Variants in MUC15 observed in about 807,000 individuals in gnomAD.
MUC15 encodes mucin 15, cell surface associated.
In MUC15, 23 loss-of-function variants were observed where a neutral mutation model predicts 24.0. The observed-to-expected ratio is 0.96, with a 90% CI of 0.69 to 1.36. The LOEUF is 1.36. Among genes scored for constraint, MUC15 ranks in the 40% most tolerant of loss-of-function variants. MUC15 has a pLI of 0.00. For synonymous variants in MUC15, 151 were observed against 156.3 expected, an observed-to-expected ratio of 0.97 and a Z score of 0.25; for missense variants, 442 against 428.2, an observed-to-expected ratio of 1.03 and a Z score of -0.29.
chr11:26,560,932 G>T lies in MUC15; in HGVS notation c.*133C>A. On this transcript the variant is annotated 3_prime_UTR_variant, in exon 5 of 5. Coordinates refer to ENST00000529533, the MANE Select transcript of MUC15 (RefSeq NM_001135091.2). ...CATCCTGTCTACATTTCTGCTACTGGTCTCCTGCTTTTATGATTCTCCTTG... is the reference window on the plus strand; with the variant it reads ...CATCCTGTCTACATTTCTGCTACTGTTCTCCTGCTTTTATGATTCTCCTTG... The T allele has an allele frequency of 1.2e-6, 1 of 845,074 alleles. No homozygotes were observed. Among genetic ancestry groups the T allele is most frequent in the Non-Finnish European group, 1.8e-6 (1 of 557,942 alleles). The allele number at this position is 845,074 out of a possible 1,614,324, so 52.3% of individuals were successfully genotyped here.
chr11:26,569,442 G>T (rs1300879811), intron 1 of MUC15, among the ~76,000 whole-genome samples: 2 of 151,984 alleles, frequency 1.3e-5, no homozygotes, highest in Non-Finnish European at 2.9e-5. Flanking sequence ...TCTGCTGCCT[G>T]GCTTCTAGGA....
At position 26,563,217 on chromosome 11, in the gene MUC15, A is replaced by G; in HGVS notation, c.824T>C (p.Leu275Pro). Residue 275 changes from leucine (L) to proline (P), a missense_variant, in exon 4 of 5, where the codon CTG becomes CCG. By Grantham distance (98) the Leu-to-Pro change is moderately conservative (BLOSUM62 -3). Coordinates refer to ENST00000529533, the MANE Select transcript of MUC15 (RefSeq NM_001135091.2). Reference sequence around the variant, plus strand: ...CACAAGAGTAAGCAATGAGACACCCAGAATAGCACCTAAAATGGCCCCGAA... The same window carrying G: ...CACAAGAGTAAGCAATGAGACACCCGGAATAGCACCTAAAATGGCCCCGAA... ...IVFGAILGAILGVSLLTLVGY... is the reference protein window; with the variant it reads ...IVFGAILGAIPGVSLLTLVGY... The G allele has an allele frequency of 6.2e-7, 1 of 1,612,096 alleles. No individual in the cohort carries two copies. Among genetic ancestry groups the G allele is most frequent in the South Asian group, 1.1e-5 (1 of 90,918 alleles).
Position 26,559,838 on chromosome 11 carries a change from AC to A in MUC15, c.*1226del. The A allele has an allele frequency of 5.0e-6, 1 of 199,950 alleles. No individual in the cohort carries two copies. 12.4% of individuals were successfully genotyped at this position (199,950 alleles called of 1,614,324 possible). Reference sequence around the variant, plus strand: ...TTTTCTGAAGCTGTTTCTGTGTTACACACACACACACACACACACACACACA... The same window carrying A: ...TTTTCTGAAGCTGTTTCTGTGTTACAACACACACACACACACACACACACA... On this transcript the variant is annotated 3_prime_UTR_variant, in exon 5 of 5. Coordinates refer to ENST00000529533, the MANE Select transcript of MUC15 (RefSeq NM_001135091.2).
rs1473462792 is a variant in MUC15 at position 26,559,852 on chromosome 11, A to G, written c.*1213T>C. The G allele has an allele frequency of 1.2e-6, 1 of 863,524 alleles. No individual in the cohort carries two copies. The highest frequency in any genetic ancestry group is 3.4e-4 in the Middle Eastern group (1 of 2,912). 53.5% of individuals were successfully genotyped at this position (863,524 alleles called of 1,614,324 possible). A position where few individuals can be genotyped will look rare whatever the true frequency, so the allele number is the denominator to read the frequency against. On this transcript the variant is annotated 3_prime_UTR_variant, in exon 5 of 5. Transcript: ENST00000529533. Reference sequence around the variant, plus strand: ...TTCTGTGTTACACACACACACACACACACACACACACACACACACACACCA... The same window carrying G: ...TTCTGTGTTACACACACACACACACGCACACACACACACACACACACACCA...
In MUC15 at chr11:26,561,031, A is replaced by C; in HGVS notation, c.*34T>G. ...TTGTCAAAAGGCTAGGATGTAGATG[A>C]CACTTGCTGTTTAACGCCTTTTTGC... On this transcript the variant is annotated 3_prime_UTR_variant, in exon 5 of 5. Coordinates refer to ENST00000529533, the MANE Select transcript of MUC15 (RefSeq NM_001135091.2). The C allele has an allele frequency of 6.3e-7, 1 of 1,586,856 alleles. No individual in the cohort carries two copies. Among genetic ancestry groups the C allele is most frequent in the Non-Finnish European group, 8.6e-7 (1 of 1,165,760 alleles).
intron 4 of MUC15, among the ~76,000 whole-genome samples, chr11:26,562,424 A>G (rs576355800): frequency 1.3e-5 from 2 of 151,948 alleles, no homozygotes; most frequent in South Asian, 2.1e-4. Flanking sequence ...CAGAAAACAC[A>G]TATTTTTTTC....
rs1017451570 is a variant in MUC15, at chr11:26,560,845, G to T, written c.*220C>A. On this transcript the variant is annotated 3_prime_UTR_variant, in exon 5 of 5. Transcript: ENST00000529533. ...AAAATACTACTAAAATACAAATTAAGGCTACTTAGTAAATGCCTCAGGATG... is the reference window on the plus strand; with the variant it reads ...AAAATACTACTAAAATACAAATTAATGCTACTTAGTAAATGCCTCAGGATG... 1 of 422,666 alleles carries T rather than the reference G, an allele frequency of 2.4e-6. No individual in the cohort carries two copies. 26.2% of individuals were successfully genotyped at this position (422,666 alleles called of 1,614,324 possible).
At position 26,559,076 on chromosome 11, in the gene MUC15, A is replaced by C. The variant is rs578126339; in HGVS notation, c.*1989T>G. 5 of 152,362 alleles carry C rather than the reference A, an allele frequency of 3.3e-5. No individual in the cohort carries two copies. The South Asian group carries it at 6.2e-4, about 19-fold the overall frequency. 9.4% of individuals were successfully genotyped at this position (152,362 alleles called of 1,614,324 possible). A position where few individuals can be genotyped will look rare whatever the true frequency, so the allele number is the denominator to read the frequency against. On this transcript the variant is annotated 3_prime_UTR_variant, in exon 5 of 5. Coordinates refer to ENST00000529533, the MANE Select transcript of MUC15 (RefSeq NM_001135091.2). Reference sequence around the variant, plus strand: ...ATTAAAATCAAACAATACAAGCCTTAAAATTTGATTCAATAACATTATAAA... The same window carrying C: ...ATTAAAATCAAACAATACAAGCCTTCAAATTTGATTCAATAACATTATAAA...
rs376485212 is a variant in MUC15, at chr11:26,565,399, C to T, written c.541G>A (p.Val181Ile). ...LSSENFTWSLVNDTVKTPDNS... is the reference protein window; with the variant it reads ...LSSENFTWSLINDTVKTPDNS... Reference sequence around the variant, plus strand: ...TCAGGAGTTTTCACGGTGTCATTGACCAAAGACCAAGTGAAGTTTTCTGAA... The same window carrying T: ...TCAGGAGTTTTCACGGTGTCATTGATCAAAGACCAAGTGAAGTTTTCTGAA... The change falls in exon 3 of 5, where the codon GTC becomes ATC. Residue 181 changes from valine (V) to isoleucine (I), a missense_variant. Val to Ile is a conservative substitution (Grantham distance 29). Coordinates refer to ENST00000529533, the MANE Select transcript of MUC15 (RefSeq NM_001135091.2). 6.2e-7 allele frequency: 1 copy of T among 1,613,146 alleles called. No individual in the cohort carries two copies. Among genetic ancestry groups the T allele is most frequent in the Admixed American group, 1.7e-5 (1 of 59,878 alleles).
intron 1 of MUC15, among the ~76,000 whole-genome samples, chr11:26,569,544 C>T (rs995204309): frequency 1.3e-5 from 2 of 151,996 alleles, no homozygotes; most frequent in African/African-American, 2.4e-5. Context: ...AGAACCCCAC[C>T]ATGAAATTTT....
At chr11:26,563,523 T>A (rs867350022) in intron 3 of MUC15, among the ~76,000 whole-genome samples, 15 of 151,908 alleles carry the variant, frequency 9.9e-5, no homozygotes, top group Middle Eastern at 6.8e-3. Flanking sequence ...TACTTCTAAG[T>A]CTTAGCTCTA....
rs868713249 is a variant in MUC15 at position 26,564,730 on chromosome 11, C to T, written c.775+435G>A. On this transcript the variant is annotated intron_variant, in intron 3 of 4. Transcript: ENST00000529533. ...ACACACACACACACACACACACACA[C>T]ACATATATATATATATATATATATA... Among the ~76,000 whole-genome samples the T allele has an allele frequency of 9.6e-3, 230 of 23,906 alleles. 1 individual carries two copies. Among genetic ancestry groups the T allele is most frequent in the African/African-American group, 0.031 (171 of 5,590 alleles). 15.7% of individuals were successfully genotyped at this position (23,906 alleles called of 152,430 possible).
chr11:26,571,159 T>C (rs1850809187), intron 1 of MUC15, among the ~76,000 whole-genome samples: 1 of 152,010 alleles, frequency 6.6e-6, no homozygotes, highest in African/African-American at 2.4e-5. Context: ...AACTAATTAG[T>C]GATGAGTGTC....
In MUC15 at chr11:26,565,296, C is replaced by T. The variant is rs770577331; in HGVS notation, c.644G>A (p.Ser215Asn). 1.2e-6 allele frequency: 2 copies of T among 1,608,726 alleles called. No homozygotes were observed. Among genetic ancestry groups the T allele is most frequent in the Non-Finnish European group, 1.7e-6 (2 of 1,176,932 alleles). The change falls in exon 3 of 5, where the codon AGT (serine) becomes AAT (asparagine). Residue 215 changes from serine to asparagine, a missense_variant. Ser to Asn is a conservative substitution (Grantham distance 46). Coordinates refer to ENST00000529533, the MANE Select transcript of MUC15 (RefSeq NM_001135091.2). Reference protein sequence around the residue: ...PSVTPLIVEPSGWLTTNSDSF... With the variant: ...PSVTPLIVEPNGWLTTNSDSF... ...ATCACTGTTTGTGGTAAGCCATCCA[C>T]TTGGTTCCACTATCAAGGGGGTCAC... is the stretch of plus-strand genomic sequence containing the variant.
At chr11:26,569,627 C>A (rs1295602529) in intron 1 of MUC15, among the ~76,000 whole-genome samples, 1 of 152,080 alleles carries the variant, frequency 6.6e-6, no homozygotes, top group Non-Finnish European at 1.5e-5. Context: ...TTGCAAGTGA[C>A]AGAAGCCTAA....
At position 26,565,625 on chromosome 11, in the gene MUC15, G is replaced by C. The variant is rs985596895; in HGVS notation, c.315C>G (p.Pro105=). 2 of 1,612,162 alleles carry C rather than the reference G, an allele frequency of 1.2e-6. No individual in the cohort carries two copies. Among genetic ancestry groups the C allele is most frequent in the African/African-American group, 2.7e-5 (2 of 74,746 alleles). The change falls in exon 3 of 5, where the codon CCC becomes CCG. Residue 105 remains proline (P), a synonymous_variant. Transcript: ENST00000529533. ...AATCTGTTATTCCGTGGCTGTTGTT[G>C]GGTAGATTCAAAGGAGGGGAATGAC... is the stretch of plus-strand genomic sequence containing the variant. ...KASHSPPLNL[P]NNSHGITDFS...
chr11:26,559,739 T>C lies in MUC15; in HGVS notation c.*1326A>G, dbSNP rs756121296. 6.2e-5 allele frequency: 100 copies of C among 1,612,180 alleles called. No homozygotes were observed. The highest frequency in any genetic ancestry group is 8.3e-5 in the Non-Finnish European group (98 of 1,178,640). ...CTCAGGTGACATATTTGTTCGATAA[T>C]GGAGGGACAGTCTTCTTTGCTATTT... On this transcript the variant is annotated 3_prime_UTR_variant, in exon 5 of 5. Transcript: ENST00000529533.
At chr11:26,570,231 C>T (rs968921035) in intron 1 of MUC15, among the ~76,000 whole-genome samples, 12 of 152,068 alleles carry the variant, frequency 7.9e-5, no homozygotes, top group Admixed American at 2.0e-4. Flanking sequence ...ACACGACTTT[C>T]GCCTTCTTTG....
chr11:26,570,000 T>A (rs1850756194), intron 1 of MUC15, among the ~76,000 whole-genome samples: 1 of 151,998 alleles, frequency 6.6e-6, no homozygotes, highest in Non-Finnish European at 1.5e-5. Flanking sequence ...AAATAGAGGT[T>A]TAGGATCATC....
Sources: allele counts gnomAD v4.1 joint callset (sites outside exome capture counted in the v4.1 genomes callset), GRCh38; gene constraint gnomAD v4.1.1; transcripts MANE v1.5; gene names NCBI Gene and HGNC (gene_info 2026-07-23, HGNC 2026-07-21).